The following GSE1 variants were observed in gnomAD, a reference collection of about 807,000 sequenced individuals.
The protein encoded by GSE1 is genetic suppressor element 1.
GSE1 carries 32 observed loss-of-function variants against 112.6 expected under a neutral mutation model. The ratio of observed to expected loss-of-function variants is 0.28; its 90% confidence interval spans 0.21 to 0.38. The LOEUF (loss-of-function observed/expected upper bound fraction) is 0.38. Ranked by LOEUF, GSE1 falls within the 10% of genes least tolerant of loss-of-function variation. GSE1 has a pLI of 1.00. For synonymous variants in GSE1, 1,115 were observed against 735.6 expected (o/e 1.52, Z -8.35); for missense variants, 2,348 against 1,699.2 (o/e 1.38, Z -6.71).
chr16:85,254,348 T>G (rs1217913901), intron 1 of GSE1, among the ~76,000 whole-genome samples: 1 of 152,130 alleles, frequency 6.6e-6, no homozygotes, highest in Non-Finnish European at 1.5e-5. Context: ...GCAGACCTGG[T>G]TCTCCTGGCT....
intron 2 of GSE1, among the ~76,000 whole-genome samples, chr16:85,536,628 G>A (rs191080064): frequency 3.3e-5 from 5 of 152,314 alleles, no homozygotes; most frequent in African/African-American, 7.2e-5. Flanking sequence ...CTGAGGTACC[G>A]CGAGGCCACG....
At chr16:85,198,307 C>T (rs553169590) in intron 1 of GSE1, among the ~76,000 whole-genome samples, 19 of 152,306 alleles carry the variant, frequency 1.2e-4, no homozygotes, top group African/African-American at 3.8e-4. Flanking sequence ...TCTCTACGGA[C>T]GAGGTCAACA....
At chr16:85,296,742 G>T (rs1007001184) in intron 1 of GSE1, among the ~76,000 whole-genome samples, 2 of 152,184 alleles carry the variant, frequency 1.3e-5, no homozygotes, top group Non-Finnish European at 2.9e-5. Context: ...CAGAGCCTTG[G>T]CTTCCCTCCC....
intron 2 of GSE1, among the ~76,000 whole-genome samples, chr16:85,532,868 T>C (rs947017732): frequency 6.6e-6 from 1 of 152,226 alleles, no homozygotes; most frequent in Non-Finnish European, 1.5e-5. Context: ...GGGCCGCCCC[T>C]GCAAGTCCTG....
intron 1 of GSE1, among the ~76,000 whole-genome samples, chr16:85,328,801 GCCCCGGGGCCTCC>G (rs2046279089): frequency 3.8e-4 from 3 of 7,982 alleles, no homozygotes; most frequent in African/African-American, 5.7e-4. Context: ...GGGCGTCCCC[GCCCCGGGGCCTCC>G]CCGCCCCGGG....
intron 1 of GSE1, among the ~76,000 whole-genome samples, chr16:85,278,100 G>C (rs746833045): frequency 2.0e-5 from 3 of 152,236 alleles, no homozygotes; most frequent in African/African-American, 7.2e-5. Context: ...GCATGGCCCC[G>C]TTTTACAGAT....
At position 85,671,005 on chromosome 16, in the gene GSE1, G is replaced by A. The variant is rs1421583217; in HGVS notation, c.3426G>A (p.Leu1142=). 2.5e-6 allele frequency: 4 copies of A among 1,607,322 alleles called. No individual in the cohort carries two copies. The highest frequency in any genetic ancestry group is 2.7e-5 in the African/African-American group (2 of 74,722). ...AYQEHIEEQN[L]ERQVLQTQCR... is the part of the protein sequence containing the mutation. ...CTCCTGTCTTTTCAGAGCAAAATCTGGAGCGGCAGGTGTTACAGACACAAT... is the reference window on the plus strand; with the variant it reads ...CTCCTGTCTTTTCAGAGCAAAATCTAGAGCGGCAGGTGTTACAGACACAAT... The change falls in exon 15 of 16, where the codon CTG becomes CTA. Residue 1142 remains leucine, a synonymous_variant. Transcript: ENST00000253458.
chr16:85,647,618 C>G (rs141297635), intron 2 of GSE1, among the ~76,000 whole-genome samples: 2 of 152,140 alleles, frequency 1.3e-5, no homozygotes, highest in Non-Finnish European at 2.9e-5. Flanking sequence ...GACGAAGTCT[C>G]GCTCTGTCGC....
At chr16:85,396,976 G>C (rs904888545) in intron 2 of GSE1, among the ~76,000 whole-genome samples, 3 of 152,232 alleles carry the variant, frequency 2.0e-5, no homozygotes, top group Middle Eastern at 3.2e-3. Flanking sequence ...CAGGTCCAGA[G>C]AGAGAGAGCA....
intron 2 of GSE1, among the ~76,000 whole-genome samples, chr16:85,388,008 A>T (rs1037832515): frequency 1.4e-5 from 2 of 147,412 alleles, no homozygotes; most frequent in East Asian, 4.1e-4. Context: ...GGATGGATGG[A>T]TGGATGGATG....
chr16:85,360,781 A>G (rs2047053096), intron 2 of GSE1, among the ~76,000 whole-genome samples: 1 of 151,934 alleles, frequency 6.6e-6, no homozygotes, highest in African/African-American at 2.4e-5. Flanking sequence ...CGTAAGTCAG[A>G]CACACACACA....
At chr16:85,529,449 C>G (rs986562793) in intron 2 of GSE1, among the ~76,000 whole-genome samples, 4 of 152,220 alleles carry the variant, frequency 2.6e-5, no homozygotes, top group Non-Finnish European at 4.4e-5. Flanking sequence ...AAAGAAATTT[C>G]TTCCCCACAT....
At chr16:85,654,250 G>T in intron 3 of GSE1, 28 bp from the exon 4 acceptor site, 1 of 1,565,948 alleles carries the variant, frequency 6.4e-7, no homozygotes, top group Non-Finnish European at 8.6e-7. Flanking sequence ...CCAGGCTCCT[G>T]CCCTGACTGG....
intron 1 of GSE1, among the ~76,000 whole-genome samples, chr16:85,191,675 G>A (rs1321129179): frequency 6.6e-6 from 1 of 152,166 alleles, no homozygotes; most frequent in African/African-American, 2.4e-5. Context: ...ACATCCCCCG[G>A]TGTTGCTACA....
chr16:85,420,083 G>T (rs756769464), intron 2 of GSE1, among the ~76,000 whole-genome samples: 5 of 149,782 alleles, frequency 3.3e-5, no homozygotes, highest in Non-Finnish European at 5.9e-5. Flanking sequence ...TGCCCTGGCA[G>T]ACACTGAGCA....
At chr16:85,565,432 C>G (rs962485678) in intron 1 of GSE1, among the ~76,000 whole-genome samples, 1 of 151,572 alleles carries the variant, frequency 6.6e-6, no homozygotes, top group African/African-American at 2.4e-5. Context: ...AACCACCAAC[C>G]AACCCCCTGT....
At chr16:85,583,958 C>T (rs1598277515) in intron 1 of GSE1, among the ~76,000 whole-genome samples, 1 of 152,346 alleles carries the variant, frequency 6.6e-6, no homozygotes, top group South Asian at 2.1e-4. Flanking sequence ...AGCCAGCGTT[C>T]ATCACTACCA....
Position 85,385,056 on chromosome 16 carries a change from C to T in GSE1, c.2464+27413C>T, listed in dbSNP as rs540785176. On this transcript the variant is annotated intron_variant, in intron 2 of 2. Transcript: ENST00000637419. ...CCCATCATAAAAGTCTCACTGGCTC[C>T]GCCACCTGCCCCGGGCCCTGTTGCT... Among the ~76,000 whole-genome samples the T allele has an allele frequency of 2.3e-3, 355 of 152,362 alleles. 2 individuals are homozygous for T. Among genetic ancestry groups the T allele is most frequent in the African/African-American group, 8.5e-3 (353 of 41,580 alleles).
upstream of GSE1, among the ~76,000 whole-genome samples, chr16:85,608,500 C>T (rs1488315144): frequency 2.6e-5 from 4 of 151,700 alleles, no homozygotes; most frequent in Admixed American, 1.3e-4. Context: ...GAGGTAAGAG[C>T]GTAGACCTGA....
Sources: gnomAD v4.1 joint callset for allele counts (sites outside exome capture counted in the v4.1 genomes callset) on GRCh38, gnomAD v4.1.1 for gene constraint, MANE v1.5 for transcripts, NCBI Gene and HGNC (gene_info 2026-07-23, HGNC 2026-07-21) for gene names.